Variants in DBX2 observed in about 807,000 individuals in gnomAD.
DBX2 encodes developing brain homeobox 2, also known as homeobox protein DBX2.
A neutral mutation model predicts 17.7 loss-of-function variants in DBX2; 16 were observed. The ratio of observed to expected loss-of-function variants is 0.90; its 90% confidence interval spans 0.61 to 1.37. The LOEUF is 1.37. DBX2 is among the 40% of genes most tolerant of loss of function. DBX2 has a pLI of 0.00. For synonymous variants in DBX2, 255 were observed against 183.8 expected (o/e 1.39, Z -3.13); for missense variants, 538 against 433.8 (o/e 1.24, Z -2.13).
intron 1 of DBX2, among the ~76,000 whole-genome samples, chr12:45,043,538 A>G (rs1437733183): frequency 6.6e-6 from 1 of 152,166 alleles, no homozygotes; most frequent in Non-Finnish European, 1.5e-5. Context: ...GCTGCAATAA[A>G]CAGCTCCAGT....
intron 2 of DBX2, among the ~76,000 whole-genome samples, chr12:45,031,228 G>GAGAGAA (rs1295689294): frequency 8.9e-6 from 1 of 112,264 alleles, no homozygotes; most frequent in Non-Finnish European, 1.6e-5. Context: ...GTGTGTGTGA[G>GAGAGAA]AGAGAGAGAG....
intron 1 of DBX2, among the ~76,000 whole-genome samples, chr12:45,042,402 G>A (rs544812181): frequency 6.6e-6 from 1 of 152,256 alleles, no homozygotes; most frequent in African/African-American, 2.4e-5. Context: ...TACTTGGAAG[G>A]GCAAAAGAAG....
In DBX2 at chr12:45,050,687, C is replaced by A. The variant is rs754491176; in HGVS notation, c.241G>T (p.Val81Phe). The A allele has an allele frequency of 1.2e-5, 19 of 1,540,726 alleles. No homozygotes were observed. The South Asian group carries it at 2.2e-4, about 17-fold the overall frequency. Residue 81 changes from valine to phenylalanine, a missense_variant, in exon 1 of 4, where the codon GTT becomes TTT. Val to Phe is a conservative substitution (Grantham distance 50). Transcript: ENST00000332700. The part of the protein sequence containing the change: ...AQLRPLPASP[V>F]PLKLCPAAEQ... The stretch of plus-strand genomic sequence containing the variant: ...GCTGCGGGGCACAGCTTTAGGGGAA[C>A]TGGGCTAGCAGGCAGGGGCCGGAGC...
At chr12:45,034,821 C>A (rs1438423521) in intron 2 of DBX2, among the ~76,000 whole-genome samples, 3 of 152,206 alleles carry the variant, frequency 2.0e-5, no homozygotes, top group Non-Finnish European at 4.4e-5. Context: ...CACACAGAGC[C>A]TTGCTTTATG....
chr12:45,024,047 T>C (rs1946367546), intron 2 of DBX2, among the ~76,000 whole-genome samples, 153 bp from the exon 3 acceptor site: 1 of 152,218 alleles, frequency 6.6e-6, no homozygotes, highest in South Asian at 2.1e-4. Flanking sequence ...TAACTTCTTT[T>C]TGGCTATGGA....
intron 2 of DBX2, among the ~76,000 whole-genome samples, chr12:45,026,930 G>A (rs1315571515): frequency 6.6e-6 from 1 of 152,086 alleles, no homozygotes; most frequent in Non-Finnish European, 1.5e-5. Context: ...CCTGTCTCAT[G>A]CCAAGATCAT....
Position 45,016,424 on chromosome 12 carries a change from A to G in DBX2, c.882T>C (p.Asn294=). 6.2e-7 allele frequency: 1 copy of G among 1,613,972 alleles called. No individual in the cohort carries two copies. Among genetic ancestry groups the G allele is most frequent in the Non-Finnish European group, 8.5e-7 (1 of 1,179,952 alleles). ...TTAGTCTTTCTGAAGGTTCTGGAGA[A>G]TTCTCCCTCCATCTTGGACTTGAGT... is the stretch of plus-strand genomic sequence containing the variant. ...QQHSSPRWRE[N]SPEPSERLIQ... The change falls in exon 4 of 4, where the codon AAT becomes AAC. Residue 294 remains asparagine (N), a synonymous_variant. Transcript: ENST00000332700.
intron 2 of DBX2, among the ~76,000 whole-genome samples, chr12:45,027,333 G>T (rs1946386569): frequency 6.6e-6 from 1 of 152,194 alleles, no homozygotes; most frequent in Admixed American, 6.5e-5. Context: ...GAGCAGTCAA[G>T]GTCCAAAGAC....
intron 1 of DBX2, among the ~76,000 whole-genome samples, chr12:45,037,888 A>C (rs1198123144): frequency 6.6e-6 from 1 of 152,050 alleles, no homozygotes; most frequent in Non-Finnish European, 1.5e-5. Flanking sequence ...TGGGTTTTTA[A>C]AGAATCAAGT....
rs1448950216 is a variant in DBX2, at chr12:45,050,460, G to GA, written c.403+64dup. 7.1e-5 allele frequency: 108 copies of GA among 1,527,042 alleles called. No individual in the cohort carries two copies. In the East Asian group the frequency reaches 2.3e-3, roughly 32 times the overall value. 94.6% of individuals were successfully genotyped at this position (1,527,042 alleles called of 1,614,324 possible). ...GCAGTGCGCACCGCCGGCGCTCCCA[G>GA]ATCCCTGGACCACCCGGCCTGGGGG... On this transcript the variant is annotated intron_variant, in intron 1 of 3. Transcript: ENST00000332700.
chr12:45,016,738 T>A lies in DBX2; in HGVS notation c.688-120A>T, dbSNP rs531010652. On this transcript the variant is annotated intron_variant, in intron 3 of 3. Coordinates refer to ENST00000332700, the MANE Select transcript of DBX2 (RefSeq NM_001004329.3). Reference sequence around the variant, plus strand: ...GAATACCTTATTATGACAGCCAACCTCAAAAAGTCCTTGTGGCTTTTCACA... The same window carrying A: ...GAATACCTTATTATGACAGCCAACCACAAAAAGTCCTTGTGGCTTTTCACA... The A allele has an allele frequency of 1.6e-5, 14 of 882,810 alleles. No homozygotes were observed. The South Asian group carries it at 4.5e-4, about 28-fold the overall frequency. The allele number at this position is 882,810 out of a possible 1,614,324, so 54.7% of individuals were successfully genotyped here.
intron 2 of DBX2, among the ~76,000 whole-genome samples, chr12:45,035,582 A>G (rs941946339): frequency 2.6e-5 from 4 of 152,140 alleles, no homozygotes; most frequent in Non-Finnish European, 5.9e-5. Flanking sequence ...TCCTCTCACG[A>G]TCTTGACAAT....
In DBX2 at chr12:45,016,158, G is replaced by C. The variant is rs1401728158; in HGVS notation, c.*128C>G. 6 of 998,000 alleles carry C rather than the reference G, an allele frequency of 6.0e-6. No individual in the cohort carries two copies. Among genetic ancestry groups the C allele is most frequent in the Non-Finnish European group, 8.4e-6 (6 of 713,126 alleles). 61.8% of individuals were successfully genotyped at this position (998,000 alleles called of 1,614,324 possible). ...AGAACACTAGAGTGGGTTTCCTAAA[G>C]CATTAGTTCATACATCGCTCCAAAG... On this transcript the variant is annotated 3_prime_UTR_variant, in exon 4 of 4. Coordinates refer to ENST00000332700, the MANE Select transcript of DBX2 (RefSeq NM_001004329.3).
At chr12:45,049,012 G>A in intron 1 of DBX2, among the ~76,000 whole-genome samples, 1 of 152,144 alleles carries the variant, frequency 6.6e-6, no homozygotes, top group African/African-American at 2.4e-5. Flanking sequence ...ACCTTTAGTT[G>A]CAATATTTTG....
rs1417274424 is a variant in DBX2 at position 45,051,056 on chromosome 12, C to A, written c.-129G>T. On this transcript the variant is annotated 5_prime_UTR_variant, in exon 1 of 4. Coordinates refer to ENST00000332700, the MANE Select transcript of DBX2 (RefSeq NM_001004329.3). ...CAGGGCTGGAGCGCGCGGAGCCAGGCAGGGAGGAAAGGCCACCCGGGACGG... is the reference window on the plus strand; with the variant it reads ...CAGGGCTGGAGCGCGCGGAGCCAGGAAGGGAGGAAAGGCCACCCGGGACGG... 5.0e-6 allele frequency: 6 copies of A among 1,198,176 alleles called. No homozygotes were observed. Among genetic ancestry groups the A allele is most frequent in the African/African-American group, 1.6e-5 (1 of 62,276 alleles). 74.2% of individuals were successfully genotyped at this position (1,198,176 alleles called of 1,614,324 possible).
chr12:45,023,684 G>C (rs1946365078), intron 3 of DBX2, 23 bp downstream of exon 3: 9 of 1,613,448 alleles, frequency 5.6e-6, no homozygotes, highest in Non-Finnish European at 6.8e-6. Context: ...AGAGGCAGTA[G>C]ACATCTTCCT....
chr12:45,031,191 A>AGTGTGTGTGTGTGTGTGT (rs113442613), intron 2 of DBX2, among the ~76,000 whole-genome samples: 14 of 99,374 alleles, frequency 1.4e-4, no homozygotes, highest in Admixed American at 7.7e-4. Context: ...CTTATTTTCA[A>AGTGTGTGTGTGTGTGTGT]GTGTGTGTGT....
intron 3 of DBX2, among the ~76,000 whole-genome samples, chr12:45,019,596 T>C (rs1192414739): frequency 6.6e-6 from 1 of 152,090 alleles, no homozygotes; most frequent in Non-Finnish European, 1.5e-5. Context: ...CTTTTACACA[T>C]AAATCCCACT....
At chr12:45,034,998 T>C (rs114547297) in intron 2 of DBX2, among the ~76,000 whole-genome samples, 1,580 of 152,334 alleles carry the variant, frequency 0.01, 23 homozygotes, top group African/African-American at 0.036. Context: ...GCCCCAGCCA[T>C]GTAAAGTGCT....
Sources: allele counts gnomAD v4.1 joint callset (sites outside exome capture counted in the v4.1 genomes callset), GRCh38; gene constraint gnomAD v4.1.1; transcripts MANE v1.5; gene names NCBI Gene and HGNC (gene_info 2026-07-23, HGNC 2026-07-21).